The following SYNPR variants were observed in gnomAD, a reference collection of about 807,000 sequenced individuals.
SYNPR encodes the protein synaptoporin.
A neutral mutation model predicts 32.9 loss-of-function variants in SYNPR; 23 were observed. The observed-to-expected ratio is 0.70, with a 90% confidence interval of 0.50 to 0.99. The LOEUF (loss-of-function observed/expected upper bound fraction) is 0.99, where lower values mean the gene tolerates loss of function less well. Ranked by LOEUF, SYNPR falls within the 50% of genes least tolerant of loss-of-function variation. SYNPR has a pLI of 0.00. For synonymous variants in SYNPR, 146 were observed against 135.9 expected, an observed-to-expected ratio of 1.07 and a Z score of -0.52; for missense variants, 318 against 349.3, an observed-to-expected ratio of 0.91 and a Z score of 0.71.
chr3:63,600,705 T>G (rs908186868), intron 4 of SYNPR, among the ~76,000 whole-genome samples: 1 of 152,180 alleles, frequency 6.6e-6, no homozygotes, highest in African/African-American at 2.4e-5. Context: ...CTGCTTTCAC[T>G]TCTCCTTCCT....
chr3:63,353,823 T>C (rs1164221040), intron 2 of SYNPR, among the ~76,000 whole-genome samples: 2 of 152,242 alleles, frequency 1.3e-5, no homozygotes, highest in Non-Finnish European at 2.9e-5. Flanking sequence ...CCAATTTTTG[T>C]GTGAATTTTA....
chr3:63,336,518 G>C (rs1421653268), intron 2 of SYNPR, among the ~76,000 whole-genome samples: 1 of 21,054 alleles, frequency 4.7e-5, no homozygotes, highest in African/African-American at 1.7e-4. Context: ...ACATTCCCAT[G>C]CAAAAAAAAA....
intron 5 of SYNPR, among the ~76,000 whole-genome samples, chr3:63,610,225 C>T (rs1377637186): frequency 6.6e-6 from 1 of 152,130 alleles, no homozygotes; most frequent in Non-Finnish European, 1.5e-5. Flanking sequence ...AGAGTTATGG[C>T]TCTTACAAGA....
In SYNPR at chr3:63,470,924, G is replaced by A. The variant is rs531925433; in HGVS notation, c.85-9908G>A. 7.2e-4 allele frequency among the ~76,000 whole-genome samples: 109 copies of A among 152,256 alleles called. No individual in the cohort carries two copies. In the South Asian group the frequency reaches 0.011, roughly 16 times the overall value. ...CAAACCCCTATTTGTTTAAGGCCCC[G>A]TAGGTCAGACTTTCTGTTATCTACA... On this transcript the variant is annotated intron_variant, in intron 2 of 5. Coordinates refer to ENST00000478300, the MANE Select transcript of SYNPR (RefSeq NM_001130003.2).
upstream of SYNPR, chr3:63,278,252 T>C: frequency 2.4e-6 from 1 of 421,820 alleles, no homozygotes; most frequent in Non-Finnish European, 4.2e-6. Flanking sequence ...TTCCCCTGGC[T>C]CCATGGGTTT....
chr3:63,211,054 T>C, the SYNPR span, among the ~76,000 whole-genome samples: 4 of 152,170 alleles, frequency 2.6e-5, no homozygotes, highest in Non-Finnish European at 4.4e-5. Context: ...ATTAGGCTGT[T>C]GGGAAAGGTA....
At chr3:63,226,429 T>A (rs530902319), upstream of SYNPR, among the ~76,000 whole-genome samples, 1 of 152,024 alleles carries the variant, frequency 6.6e-6, no homozygotes, top group Admixed American at 6.6e-5. Flanking sequence ...CTATTCACAA[T>A]AGCAAAGATA....
At chr3:63,323,584 G>T (rs2087134164) in intron 2 of SYNPR, among the ~76,000 whole-genome samples, 1 of 151,968 alleles carries the variant, frequency 6.6e-6, no homozygotes, top group Non-Finnish European at 1.5e-5. Context: ...AGACATGATG[G>T]AAGACTTTTG....
At chr3:63,537,352 G>T in intron 3 of SYNPR, among the ~76,000 whole-genome samples, 1 of 151,080 alleles carries the variant, frequency 6.6e-6, no homozygotes, top group African/African-American at 2.4e-5. Context: ...TCATGAGTTG[G>T]CTCAGATTTT....
At chr3:63,551,211 T>C (rs757914883) in intron 3 of SYNPR, among the ~76,000 whole-genome samples, 3 of 152,258 alleles carry the variant, frequency 2.0e-5, no homozygotes, top group Non-Finnish European at 4.4e-5. Flanking sequence ...CTGAGCATAA[T>C]GTTTTCAAGG....
At chr3:63,338,371 T>G (rs1019901433) in intron 2 of SYNPR, among the ~76,000 whole-genome samples, 1 of 152,140 alleles carries the variant, frequency 6.6e-6, no homozygotes, top group Admixed American at 6.5e-5. Context: ...AAAATAGCAA[T>G]GGAAGTCCTG....
At chr3:63,431,819 T>A (rs892448977) in intron 2 of SYNPR, among the ~76,000 whole-genome samples, 20 of 145,992 alleles carry the variant, frequency 1.4e-4, no homozygotes, top group Admixed American at 4.2e-4. Flanking sequence ...TAAAAAAAAG[T>A]CATAGTTTCC....
At chr3:63,570,668 A>G (rs910794690) in intron 4 of SYNPR, among the ~76,000 whole-genome samples, 20 of 152,226 alleles carry the variant, frequency 1.3e-4, no homozygotes, top group Non-Finnish European at 2.2e-4. Context: ...CCTTATCCCC[A>G]AAGATATGTG....
chr3:63,391,590 C>A (rs1370395991), intron 2 of SYNPR, among the ~76,000 whole-genome samples: 2 of 152,124 alleles, frequency 1.3e-5, no homozygotes, highest in African/African-American at 2.4e-5. Context: ...TACCTATTGA[C>A]CCAATTGTCA....
chr3:63,486,837 G>A (rs910910892), intron 3 of SYNPR, among the ~76,000 whole-genome samples: 1 of 152,102 alleles, frequency 6.6e-6, no homozygotes, highest in South Asian at 2.1e-4. Flanking sequence ...CTTATACAAA[G>A]AATCTTAGTA....
intron 2 of SYNPR, among the ~76,000 whole-genome samples, chr3:63,287,342 C>T (rs1317204260): frequency 6.6e-6 from 1 of 152,092 alleles, no homozygotes; most frequent in Non-Finnish European, 1.5e-5. Flanking sequence ...TTTTGCTCAC[C>T]TTTTTTTAGT....
At position 63,457,153 on chromosome 3, in the gene SYNPR, T is replaced by C. The variant is rs78315306; in HGVS notation, c.85-23679T>C. Among the ~76,000 whole-genome samples the C allele has an allele frequency of 8.4e-3, 1,272 of 152,160 alleles. 54 individuals are homozygous for C. The East Asian group carries it at 0.13, about 16-fold the overall frequency. ...AAGTACCTCTCGGGAAGTTATCTGG[T>C]GCCACGATGCATACTTAAAATCCTC... On this transcript the variant is annotated intron_variant, in intron 2 of 5. Transcript: ENST00000478300.
At chr3:63,562,800 G>A (rs1243008607) in intron 4 of SYNPR, among the ~76,000 whole-genome samples, 1 of 152,180 alleles carries the variant, frequency 6.6e-6, no homozygotes, top group Non-Finnish European at 1.5e-5. Flanking sequence ...TTAGTCCAGT[G>A]ATCTTCAGGG....
At chr3:63,602,463 G>A (rs1364745036) in intron 4 of SYNPR, among the ~76,000 whole-genome samples, 2 of 152,076 alleles carry the variant, frequency 1.3e-5, no homozygotes, top group Non-Finnish European at 2.9e-5. Context: ...TTATCTTCTA[G>A]GGTTTTTATA....
Sources: gnomAD v4.1 joint callset for allele counts (sites outside exome capture counted in the v4.1 genomes callset) on GRCh38, gnomAD v4.1.1 for gene constraint, MANE v1.5 for transcripts, NCBI Gene and HGNC (gene_info 2026-07-23, HGNC 2026-07-21) for gene names.